Variants in PLPP1 observed in about 807,000 individuals in gnomAD.
PLPP1 encodes phospholipid phosphatase 1, also known as lipid phosphate phosphohydrolase 1a.
Under a neutral mutation model 31.2 loss-of-function variants are expected in PLPP1, and 24 were observed. The ratio of observed to expected loss-of-function variants is 0.77; its 90% CI spans 0.56 to 1.08. The LOEUF (loss-of-function observed/expected upper bound fraction) is 1.08, where lower values mean the gene tolerates loss of function less well. PLPP1 is among the 50% of genes least tolerant of loss of function. PLPP1 has a pLI of 0.00. For missense variants in PLPP1, 319 were observed against 342.7 expected, an observed-to-expected ratio of 0.93 and a Z score of 0.55; for synonymous variants, 146 against 126.3, an observed-to-expected ratio of 1.16 and a Z score of -1.05.
intron 1 of PLPP1, 69 bp downstream of exon 1, chr5:55,534,503 C>G (rs1740809470): frequency 1.4e-6 from 2 of 1,437,546 alleles, no homozygotes; most frequent in Non-Finnish European, 1.9e-6. Flanking sequence ...CGCTGCCCGT[C>G]GCGGCTCTGC....
intron 1 of PLPP1, among the ~76,000 whole-genome samples, chr5:55,502,379 C>T (rs1031402598): frequency 6.6e-5 from 10 of 151,784 alleles, no homozygotes; most frequent in Admixed American, 4.6e-4. Context: ...CCCAGCTACT[C>T]GGAAGGCTGA....
intron 3 of PLPP1, among the ~76,000 whole-genome samples, chr5:55,458,061 G>T (rs1056697334): frequency 6.6e-5 from 10 of 152,114 alleles, no homozygotes; most frequent in Non-Finnish European, 1.2e-4. Flanking sequence ...CATGGCATTT[G>T]GTGGAAAAGT....
intron 1 of PLPP1, among the ~76,000 whole-genome samples, chr5:55,516,007 C>G (rs1036018738): frequency 1.3e-5 from 2 of 152,110 alleles, no homozygotes; most frequent in East Asian, 3.9e-4. Flanking sequence ...TCCTCCCCAT[C>G]CCCCTTCCTA....
Position 55,534,759 on chromosome 5 carries a change from G to C in PLPP1, c.-130C>G, listed in dbSNP as rs1255526270. The C allele has an allele frequency of 1.0e-6, 1 of 962,414 alleles. No homozygotes were observed. Among genetic ancestry groups the C allele is most frequent in the Non-Finnish European group, 1.5e-6 (1 of 682,976 alleles). 59.6% of individuals were successfully genotyped at this position (962,414 alleles called of 1,614,324 possible). ...CTACGGCCCCTCCCAGCCGGAGGAG[G>C]AGAGCAGCCGAGGGCGGGCTGAGAC... On this transcript the variant is annotated 5_prime_UTR_variant, in exon 1 of 6. Coordinates refer to ENST00000307259, the MANE Select transcript of PLPP1 (RefSeq NM_003711.4).
chr5:55,528,274 G>A lies in PLPP1; in HGVS notation c.58+6298C>T, dbSNP rs149838269. Among the ~76,000 whole-genome samples, 202 of 152,130 alleles carry A rather than the reference G, an allele frequency of 1.3e-3. 2 individuals are homozygous for A. The Middle Eastern group carries it at 0.024, about 18-fold the overall frequency. ...TCCAGGTAACTTCTGACCTTTCTGC[G>A]TCTCTAAGAGTAAACAGACAAATCA... is the stretch of plus-strand genomic sequence containing the variant. On this transcript the variant is annotated intron_variant, in intron 1 of 5. Transcript: ENST00000307259.
At chr5:55,432,182 G>A (rs576117997) in intron 4 of PLPP1, among the ~76,000 whole-genome samples, 8 of 150,782 alleles carry the variant, frequency 5.3e-5, no homozygotes, top group Non-Finnish European at 1.2e-4. Flanking sequence ...GGCTTCAAAG[G>A]ATCTCCCACC....
intron 2 of PLPP1, among the ~76,000 whole-genome samples, chr5:55,472,848 A>T (rs768940773): frequency 7.9e-5 from 12 of 152,206 alleles, no homozygotes; most frequent in Non-Finnish European, 1.6e-4. Flanking sequence ...GTTTTTGCTA[A>T]CTAAGCATTT....
At chr5:55,524,450 G>T (rs372525545) in intron 1 of PLPP1, among the ~76,000 whole-genome samples, 1 of 152,160 alleles carries the variant, frequency 6.6e-6, no homozygotes, top group East Asian at 1.9e-4. Flanking sequence ...CTGTTTAATC[G>T]CCAAGAGCAA....
intron 1 of PLPP1, among the ~76,000 whole-genome samples, chr5:55,485,961 A>AT (rs1223186303): frequency 1.3e-5 from 2 of 152,060 alleles, no homozygotes; most frequent in African/African-American, 2.4e-5. Context: ...TATTTCCAGG[A>AT]TAAATTCCTT....
chr5:55,436,671 G>A (rs1051425847), intron 4 of PLPP1, among the ~76,000 whole-genome samples: 4 of 152,128 alleles, frequency 2.6e-5, no homozygotes, highest in East Asian at 1.9e-4. Context: ...CAAAACAAAC[G>A]GAAGACTCTT....
chr5:55,439,685 T>C (rs1293476500), intron 4 of PLPP1, among the ~76,000 whole-genome samples: 1 of 152,198 alleles, frequency 6.6e-6, no homozygotes, highest in African/African-American at 2.4e-5. Flanking sequence ...ATCCTCTCTA[T>C]AGTAATTTTA....
intron 3 of PLPP1, among the ~76,000 whole-genome samples, chr5:55,462,422 A>G (rs1349907030): frequency 6.6e-6 from 1 of 152,238 alleles, no homozygotes; most frequent in African/African-American, 2.4e-5. Flanking sequence ...ATAATGTTGG[A>G]ACAACCAGAT....
At chr5:55,490,720 A>G (rs1752871250) in intron 1 of PLPP1, among the ~76,000 whole-genome samples, 1 of 152,086 alleles carries the variant, frequency 6.6e-6, no homozygotes, top group Non-Finnish European at 1.5e-5. Flanking sequence ...AGACTCTCCT[A>G]TTCAAAAATA....
At chr5:55,503,646 A>G (rs564977885) in intron 1 of PLPP1, among the ~76,000 whole-genome samples, 2 of 150,930 alleles carry the variant, frequency 1.3e-5, no homozygotes, top group South Asian at 4.2e-4. Flanking sequence ...CTGGCATGGT[A>G]GCATGTGCAC....
At chr5:55,495,210 G>T (rs897928153) in intron 1 of PLPP1, among the ~76,000 whole-genome samples, 5 of 151,906 alleles carry the variant, frequency 3.3e-5, no homozygotes, top group African/African-American at 9.7e-5. Context: ...AGAAAGATGT[G>T]TAAGTTGTTG....
chr5:55,482,541 G>A (rs1752693911), intron 1 of PLPP1, among the ~76,000 whole-genome samples: 1 of 152,094 alleles, frequency 6.6e-6, no homozygotes, highest in South Asian at 2.1e-4. Context: ...ACTGCCTATA[G>A]AGGTGAAAAT....
chr5:55,426,179 G>A (rs374966910), intron 4 of PLPP1, 140 bp from the exon 5 acceptor site: 13 of 699,650 alleles, frequency 1.9e-5, no homozygotes, highest in South Asian at 1.2e-4. Flanking sequence ...ATTCACGTAC[G>A]CATTATTACC....
At chr5:55,488,188 C>T (rs775573655) in intron 1 of PLPP1, among the ~76,000 whole-genome samples, 3 of 150,330 alleles carry the variant, frequency 2.0e-5, no homozygotes, top group Non-Finnish European at 3.0e-5. Flanking sequence ...AAGATTGATA[C>T]TAAGTCTTTT....
intron 3 of PLPP1, among the ~76,000 whole-genome samples, chr5:55,455,576 G>A (rs1041435747): frequency 3.9e-5 from 6 of 152,144 alleles, no homozygotes; most frequent in African/African-American, 7.2e-5. Flanking sequence ...CGCTGTGATC[G>A]TACCACTGCA....
Sources: allele counts gnomAD v4.1 joint callset (sites outside exome capture counted in the v4.1 genomes callset), GRCh38; gene constraint gnomAD v4.1.1; transcripts MANE v1.5; gene names NCBI Gene and HGNC (gene_info 2026-07-23, HGNC 2026-07-21).